Variants in HSPA12A observed in about 807,000 individuals in gnomAD.
HSPA12A encodes the protein heat shock protein family A (Hsp70) member 12A, also known as heat shock 70 kDa protein 12A.
HSPA12A carries 28 observed loss-of-function variants against 69.2 expected under a neutral mutation model. The observed-to-expected ratio is 0.40, with a 90% CI of 0.30 to 0.55. The LOEUF is 0.55. Ranked by LOEUF, HSPA12A falls within the 20% of genes least tolerant of loss-of-function variation. The pLI is 0.38. For missense variants in HSPA12A, 686 were observed against 900.7 expected (o/e 0.76, Z 3.05); for synonymous variants, 345 against 370.5 (o/e 0.93, Z 0.79).
intron 1 of HSPA12A, among the ~76,000 whole-genome samples, chr10:116,712,648 C>G (rs1850471379): frequency 6.6e-6 from 1 of 152,058 alleles, no homozygotes; most frequent in South Asian, 2.1e-4. Context: ...TCAAAGAGAG[C>G]CATAATTCAT....
At chr10:116,755,706 G>A (rs1002279664) in intron 2 of HSPA12A, among the ~76,000 whole-genome samples, 9 of 149,894 alleles carry the variant, frequency 6.0e-5, no homozygotes, top group Admixed American at 6.7e-5. Context: ...AGTGGCTCAC[G>A]TCTGTAATCC....
At chr10:116,766,255 CCAATTCAT>C (rs1313514981) in intron 2 of HSPA12A, among the ~76,000 whole-genome samples, 2 of 152,234 alleles carry the variant, frequency 1.3e-5, no homozygotes, top group Non-Finnish European at 2.9e-5. Context: ...GTTAGGATGA[CCAATTCAT>C]CCCGGTTTGT....
At chr10:116,799,245 C>G (rs1335033709) in intron 2 of HSPA12A, among the ~76,000 whole-genome samples, 1 of 152,328 alleles carries the variant, frequency 6.6e-6, no homozygotes, top group East Asian at 1.9e-4. Context: ...CAGCAGTTGA[C>G]AGTTTCCTCT....
chr10:116,725,195 C>T (rs892031216), intron 1 of HSPA12A, among the ~76,000 whole-genome samples: 2 of 152,184 alleles, frequency 1.3e-5, no homozygotes, highest in Admixed American at 6.5e-5. Flanking sequence ...GGCCCAGGAG[C>T]TCCACTTGAT....
intron 2 of HSPA12A, among the ~76,000 whole-genome samples, chr10:116,785,677 GGACA>G (rs1844559672): frequency 6.6e-6 from 1 of 151,940 alleles, no homozygotes; most frequent in Admixed American, 6.6e-5. Context: ...TCTTCCTCTC[GGACA>G]GACACACACA....
intron 2 of HSPA12A, among the ~76,000 whole-genome samples, chr10:116,824,853 T>G (rs1182287596): frequency 6.6e-6 from 1 of 151,818 alleles, no homozygotes; most frequent in Non-Finnish European, 1.5e-5. Context: ...AGGATGGTCT[T>G]GATCTCCTGA....
chr10:116,683,156 C>T, intron 7 of HSPA12A, among the ~76,000 whole-genome samples: 1 of 152,080 alleles, frequency 6.6e-6, no homozygotes, highest in Non-Finnish European at 1.5e-5. Flanking sequence ...TCTGCAAACC[C>T]TATAGCCCTC....
In HSPA12A at chr10:116,707,225, G is replaced by A. The variant is rs782259442; in HGVS notation, c.101C>T (p.Thr34Met). 17 of 1,610,586 alleles carry A rather than the reference G, an allele frequency of 1.1e-5. No homozygotes were observed. Among genetic ancestry groups the A allele is most frequent in the South Asian group, 6.7e-5 (6 of 90,198 alleles). The change falls in exon 2 of 12, where the codon ACG (threonine) becomes ATG (methionine). Residue 34 changes from threonine (T) to methionine (M), a missense_variant. Coordinates refer to ENST00000369209, the MANE Select transcript of HSPA12A (RefSeq NM_025015.3). The stretch of plus-strand genomic sequence containing the variant: ...CACAATATGGGAGGGGGACAGAGGC[G>A]TTATTCCTGTGTCCCCAAGACTCCG... Reference protein sequence around the residue: ...PARSLGDTGITPLSPSHIVND... With the variant: ...PARSLGDTGIMPLSPSHIVND...
At chr10:116,812,414 T>C (rs927871372) in intron 2 of HSPA12A, among the ~76,000 whole-genome samples, 2 of 151,636 alleles carry the variant, frequency 1.3e-5, no homozygotes, top group African/African-American at 2.4e-5. Context: ...AATTGCAGCA[T>C]TGCACTCCAG....
intron 6 of HSPA12A, among the ~76,000 whole-genome samples, chr10:116,690,004 G>A (rs1589630961): frequency 6.6e-6 from 1 of 152,156 alleles, no homozygotes; most frequent in Non-Finnish European, 1.5e-5. Context: ...GATAATGACT[G>A]ACTAAATATC....
chr10:116,811,579 TAAAAAAAAAA>T (rs60912684), intron 2 of HSPA12A, among the ~76,000 whole-genome samples: 3 of 105,932 alleles, frequency 2.8e-5, no homozygotes, highest in East Asian at 3.1e-4. Flanking sequence ...TTGCTTTTGT[TAAAAAAAAAA>T]AAAAAAAAAA....
chr10:116,757,583 C>T (rs1843878834), intron 2 of HSPA12A, among the ~76,000 whole-genome samples: 1 of 152,320 alleles, frequency 6.6e-6, no homozygotes, highest in Non-Finnish European at 1.5e-5. Flanking sequence ...GACAGAATGT[C>T]TTTCAGGCTG....
intron 2 of HSPA12A, among the ~76,000 whole-genome samples, chr10:116,781,392 G>C (rs1362977301): frequency 6.6e-6 from 1 of 152,090 alleles, no homozygotes; most frequent in Non-Finnish European, 1.5e-5. Context: ...AATGCCGCTC[G>C]GTCAGGCCTC....
chr10:116,785,857 C>T (rs953093155), intron 2 of HSPA12A, among the ~76,000 whole-genome samples: 3 of 152,192 alleles, frequency 2.0e-5, no homozygotes, highest in East Asian at 1.9e-4. Flanking sequence ...GCCCTAATAC[C>T]GCAAGATTCC....
At chr10:116,700,501 C>A (rs1554881478) in intron 4 of HSPA12A, among the ~76,000 whole-genome samples, 1 of 152,104 alleles carries the variant, frequency 6.6e-6, no homozygotes, top group Admixed American at 6.5e-5. Flanking sequence ...CTGGTTGTTA[C>A]ATCCAAACTG....
intron 1 of HSPA12A, among the ~76,000 whole-genome samples, chr10:116,836,450 C>T (rs541586681): frequency 6.6e-6 from 1 of 152,300 alleles, no homozygotes; most frequent in East Asian, 1.9e-4. Context: ...CTCTTTCTCT[C>T]TTTAATGATT....
At chr10:116,714,783 C>T (rs1850557395) in intron 1 of HSPA12A, among the ~76,000 whole-genome samples, 1 of 152,192 alleles carries the variant, frequency 6.6e-6, no homozygotes, top group African/African-American at 2.4e-5. Flanking sequence ...CCTGGCCATA[C>T]CAAACCTATC....
upstream of HSPA12A, chr10:116,849,881 A>G (rs779784182): frequency 1.1e-6 from 1 of 945,334 alleles, no homozygotes; most frequent in South Asian, 1.4e-5. Flanking sequence ...AGACTTCTGG[A>G]GGGAAGGAGC....
intron 2 of HSPA12A, among the ~76,000 whole-genome samples, chr10:116,815,242 A>G (rs1186822171): frequency 1.4e-5 from 1 of 74,044 alleles, no homozygotes; most frequent in Non-Finnish European, 2.7e-5. Flanking sequence ...CCTCAGATCC[A>G]AAAGACAAAA....
Sources: allele counts gnomAD v4.1 joint callset (sites outside exome capture counted in the v4.1 genomes callset), GRCh38; gene constraint gnomAD v4.1.1; transcripts MANE v1.5; gene names NCBI Gene and HGNC (gene_info 2026-07-23, HGNC 2026-07-21).